DEPTOR: variants seen among roughly 807,000 people sequenced by gnomAD.
The protein encoded by DEPTOR is DEP domain containing MTOR interacting protein.
DEPTOR carries 41 observed loss-of-function variants against 41.6 expected under a neutral mutation model. The observed-to-expected ratio is 0.98, with a 90% CI of 0.77 to 1.28. The LOEUF is 1.28. Among genes scored for constraint, DEPTOR ranks in the 50% most tolerant of loss-of-function variants. DEPTOR has a pLI of 0.00. For synonymous variants in DEPTOR, 195 were observed against 192.3 expected (o/e 1.01, Z -0.12); for missense variants, 514 against 527.9 (o/e 0.97, Z 0.26).
At chr8:120,033,756 C>T (rs1812931477) in intron 8 of DEPTOR, among the ~76,000 whole-genome samples, 1 of 152,128 alleles carries the variant, frequency 6.6e-6, no homozygotes, top group East Asian at 1.9e-4. Context: ...AATTGCCAGG[C>T]AAGGATTTAC....
chr8:119,996,022 C>A (rs1028840450), intron 4 of DEPTOR, among the ~76,000 whole-genome samples: 5 of 152,076 alleles, frequency 3.3e-5, no homozygotes, highest in Non-Finnish European at 7.4e-5. Context: ...AGAAAAAAGG[C>A]AAAATATTAA....
intron 1 of DEPTOR, among the ~76,000 whole-genome samples, chr8:119,921,081 A>G (rs1336756738): frequency 6.6e-6 from 1 of 151,206 alleles, no homozygotes; most frequent in African/African-American, 2.4e-5. Flanking sequence ...GGCTCAAGGG[A>G]TCCTCCCGCC....
intron 1 of DEPTOR, among the ~76,000 whole-genome samples, chr8:119,883,981 C>A (rs1347494787): frequency 6.6e-6 from 1 of 152,206 alleles, no homozygotes; most frequent in Non-Finnish European, 1.5e-5. Flanking sequence ...GCTACTCTGA[C>A]CTTGACTTAA....
intron 1 of DEPTOR, among the ~76,000 whole-genome samples, chr8:119,923,928 A>G (rs1827931799): frequency 7.8e-6 from 1 of 128,784 alleles, no homozygotes; most frequent in African/African-American, 3.4e-5. Flanking sequence ...GCTTCACAGT[A>G]TCACATAGCT....
intron 3 of DEPTOR, among the ~76,000 whole-genome samples, chr8:119,959,688 A>C (rs56361736): frequency 0.31 from 47,592 of 151,362 alleles, 8,623 homozygotes; most frequent in Middle Eastern, 0.45. Context: ...GCACCACCAC[A>C]CCCAACCAAT....
At chr8:119,930,033 T>A in intron 3 of DEPTOR, 95 bp downstream of exon 3, 2 of 1,436,378 alleles carry the variant, frequency 1.4e-6, no homozygotes, top group Non-Finnish European at 1.9e-6. Flanking sequence ...GTGGCTTTTC[T>A]ATGTGGGCTG....
chr8:120,044,186 G>A (rs1813121884), intron 8 of DEPTOR, among the ~76,000 whole-genome samples: 1 of 151,306 alleles, frequency 6.6e-6, no homozygotes, highest in South Asian at 2.1e-4. Context: ...TTTTGAGATG[G>A]GGGTTTTGCT....
chr8:119,963,832 G>A (rs913583567), intron 3 of DEPTOR, among the ~76,000 whole-genome samples: 1 of 152,194 alleles, frequency 6.6e-6, no homozygotes, highest in East Asian at 1.9e-4. Context: ...AGCTATGTGG[G>A]TATGGGAGGA....
chr8:119,974,235 TAAAAAAAA>T (rs35885551), intron 4 of DEPTOR, among the ~76,000 whole-genome samples: 118 of 74,914 alleles, frequency 1.6e-3, no homozygotes, highest in African/African-American at 3.6e-3. Flanking sequence ...CTTGTCTCTT[TAAAAAAAA>T]AAAAAAAAAA....
intron 3 of DEPTOR, among the ~76,000 whole-genome samples, chr8:119,933,714 G>T (rs1828074529): frequency 6.6e-6 from 1 of 152,094 alleles, no homozygotes; most frequent in Non-Finnish European, 1.5e-5. Flanking sequence ...TGTTGGGGCT[G>T]CTGCTGTCTC....
intron 4 of DEPTOR, among the ~76,000 whole-genome samples, chr8:119,989,500 C>T (rs1472857785): frequency 6.6e-6 from 1 of 152,092 alleles, no homozygotes; most frequent in African/African-American, 2.4e-5. Context: ...AGTCCGTCAG[C>T]ACTTCTCTCT....
intron 1 of DEPTOR, among the ~76,000 whole-genome samples, chr8:119,878,835 C>T (rs571954455): frequency 2.0e-5 from 3 of 152,002 alleles, no homozygotes; most frequent in East Asian, 1.9e-4. Flanking sequence ...TGGGGCCAGG[C>T]GCGGTGGCTT....
chr8:119,915,945 TAAAAA>T (rs201870960), intron 1 of DEPTOR, among the ~76,000 whole-genome samples: 1 of 126,654 alleles, frequency 7.9e-6, no homozygotes, highest in Non-Finnish European at 1.6e-5. Flanking sequence ...CTTCATTTGT[TAAAAA>T]AAAAAAAAAA....
intron 4 of DEPTOR, among the ~76,000 whole-genome samples, chr8:120,000,554 C>T (rs1429031242): frequency 1.3e-5 from 2 of 151,990 alleles, no homozygotes; most frequent in Non-Finnish European, 2.9e-5. Flanking sequence ...TGTCTGCCTC[C>T]CGGGTTCAAG....
Position 119,974,423 on chromosome 8 carries a change from T to C in DEPTOR, c.604+9013T>C, listed in dbSNP as rs550446296. Among the ~76,000 whole-genome samples the C allele has an allele frequency of 1.8e-4, 28 of 152,158 alleles. No homozygotes were observed. The South Asian group carries it at 5.2e-3, about 28-fold the overall frequency. On this transcript the variant is annotated intron_variant, in intron 4 of 8. Coordinates refer to ENST00000286234, the MANE Select transcript of DEPTOR (RefSeq NM_022783.4). Reference sequence around the variant, plus strand: ...ACAGAAGTTTAATATGTATGCCCTCTGTAAATATGGGTGAAAATCCAGAGA... The same window carrying C: ...ACAGAAGTTTAATATGTATGCCCTCCGTAAATATGGGTGAAAATCCAGAGA...
At chr8:120,010,274 T>C (rs1812510571) in intron 8 of DEPTOR, among the ~76,000 whole-genome samples, 1 of 148,528 alleles carries the variant, frequency 6.7e-6, no homozygotes, top group Non-Finnish European at 1.5e-5. Flanking sequence ...GAATGAATTA[T>C]GGAAGATTTT....
At chr8:119,916,973 G>A (rs911175182) in intron 1 of DEPTOR, among the ~76,000 whole-genome samples, 1 of 152,170 alleles carries the variant, frequency 6.6e-6, no homozygotes, top group Non-Finnish European at 1.5e-5. Context: ...GTTTCACCAT[G>A]TTGCCAAGGC....
intron 1 of DEPTOR, among the ~76,000 whole-genome samples, chr8:119,907,340 A>G (rs530296060): frequency 2.6e-5 from 4 of 152,138 alleles, no homozygotes; most frequent in Admixed American, 2.0e-4. Context: ...ATATTTTTTT[A>G]AAAAATATTT....
At chr8:119,904,965 CTTTTTT>C (rs71304920) in intron 1 of DEPTOR, among the ~76,000 whole-genome samples, 7 of 85,970 alleles carry the variant, frequency 8.1e-5, no homozygotes, top group African/African-American at 2.6e-4. Context: ...CTAATTTTTG[CTTTTTT>C]TTTTTTTTTT....
Sources: gnomAD v4.1 joint callset for allele counts (sites outside exome capture counted in the v4.1 genomes callset) on GRCh38, gnomAD v4.1.1 for gene constraint, MANE v1.5 for transcripts, NCBI Gene and HGNC (gene_info 2026-07-23, HGNC 2026-07-21) for gene names.